The following SAMSN1 variants were observed in gnomAD, a reference collection of about 807,000 sequenced individuals.
SAMSN1 encodes SAM domain-containing protein SAMSN-1.
A neutral mutation model predicts 42.0 loss-of-function variants in SAMSN1; 31 were observed. That is an observed-to-expected ratio of 0.74 (90% CI 0.55 to 1.00). The LOEUF (loss-of-function observed/expected upper bound fraction) is 1.00, where lower values mean the gene tolerates loss of function less well. Ranked by LOEUF, SAMSN1 falls within the 50% of genes least tolerant of loss-of-function variation. SAMSN1 has a pLI of 0.00. For missense variants in SAMSN1, 464 were observed against 439.4 expected (o/e 1.06, Z -0.50); for synonymous variants, 178 against 151.9 (o/e 1.17, Z -1.26).
intron 5 of SAMSN1, among the ~76,000 whole-genome samples, chr21:14,501,001 C>T (rs917055637): frequency 3.3e-5 from 5 of 152,040 alleles, no homozygotes; most frequent in African/African-American, 1.2e-4. Flanking sequence ...AAGTGAGATC[C>T]CATCTCTACA....
intron 7 of SAMSN1, among the ~76,000 whole-genome samples, chr21:14,588,837 AACT>A (rs975337381): frequency 2.0e-5 from 3 of 151,668 alleles, no homozygotes; most frequent in Non-Finnish European, 4.4e-5. Flanking sequence ...CTTTCATTGA[AACT>A]ACTGTCAAGT....
chr21:14,596,485 C>T (rs1982266464), intron 6 of SAMSN1, among the ~76,000 whole-genome samples: 4 of 152,108 alleles, frequency 2.6e-5, no homozygotes, highest in African/African-American at 7.2e-5. Context: ...CCTAAGACTG[C>T]CCCTCACCCT....
chr21:14,632,529 G>A (rs1338521076), intron 2 of SAMSN1, among the ~76,000 whole-genome samples: 1 of 151,752 alleles, frequency 6.6e-6, no homozygotes, highest in African/African-American at 2.4e-5. Flanking sequence ...ATAATTATTT[G>A]TATAATTGTA....
chr21:14,631,493 G>A (rs370157130), intron 2 of SAMSN1, among the ~76,000 whole-genome samples: 55 of 152,000 alleles, frequency 3.6e-4, no homozygotes, highest in African/African-American at 1.2e-3. Context: ...TCAGCCTTCC[G>A]AGTAGCTGGG....
intron 5 of SAMSN1, among the ~76,000 whole-genome samples, chr21:14,505,502 A>G (rs1987357674): frequency 2.0e-5 from 3 of 152,244 alleles, no homozygotes; most frequent in African/African-American, 7.2e-5. Flanking sequence ...AAAGACAAAT[A>G]GGGACATTAT....
intron 7 of SAMSN1, among the ~76,000 whole-genome samples, chr21:14,497,673 T>G (rs1368288727): frequency 1.3e-5 from 2 of 152,228 alleles, no homozygotes; most frequent in Admixed American, 6.5e-5. Flanking sequence ...ATTATCTAAG[T>G]TCCTTTTTAT....
upstream of SAMSN1, chr21:14,583,637 A>C (rs1409554097): frequency 2.8e-6 from 2 of 716,790 alleles, no homozygotes; most frequent in Admixed American, 4.0e-5. Context: ...CAGCTTATTG[A>C]GTTCTTACTT....
chr21:14,576,525 C>T (rs2822776), intron 2 of SAMSN1, among the ~76,000 whole-genome samples: 97,766 of 152,010 alleles, frequency 0.64, 33,954 homozygotes, highest in African/African-American at 0.91. Flanking sequence ...CTTTCCCATG[C>T]CAATAATTAG....
intron 1 of SAMSN1, among the ~76,000 whole-genome samples, chr21:14,653,113 T>A (rs1401383657): frequency 1.3e-5 from 2 of 152,070 alleles, no homozygotes; most frequent in African/African-American, 4.8e-5. Flanking sequence ...ACAACCACTA[T>A]GGAGAACAGT....
intron 5 of SAMSN1, among the ~76,000 whole-genome samples, chr21:14,501,916 A>G (rs894146611): frequency 2.6e-5 from 4 of 152,200 alleles, no homozygotes; most frequent in Non-Finnish European, 5.9e-5. Flanking sequence ...GTTATTGGCA[A>G]GGGTAGAAAA....
At chr21:14,593,862 C>T (rs1982167296) in intron 7 of SAMSN1, 1 of 497,964 alleles carries the variant, frequency 2.0e-6, no homozygotes, top group South Asian at 3.7e-5. Flanking sequence ...AAGGACAAGC[C>T]TCTATTTATG....
intron 1 of SAMSN1, among the ~76,000 whole-genome samples, chr21:14,528,551 G>A (rs1456738612): frequency 6.6e-6 from 1 of 152,112 alleles, no homozygotes; most frequent in African/African-American, 2.4e-5. Flanking sequence ...CAGCCCCATT[G>A]GAAAATGGTA....
In SAMSN1 at chr21:14,546,253, C is replaced by A; in HGVS notation, c.9G>T (p.Lys3Asn). ...TCTCTGAAACATTGGATGGCTTTCT[C>A]TTGAGCATTTTGAATTCTGACTACT... MLKRKPSNVSEKE... is the reference protein window; with the variant it reads MLNRKPSNVSEKE... The change falls in exon 1 of 8, where the codon AAG becomes AAT. Residue 3 changes from lysine (K) to asparagine (N), a missense_variant. Physicochemically the swap from Lys to Asn is moderately conservative, Grantham distance 94. Coordinates refer to ENST00000400566, the MANE Select transcript of SAMSN1 (RefSeq NM_022136.5). 1 of 1,613,546 alleles carries A rather than the reference C, an allele frequency of 6.2e-7. No individual in the cohort carries two copies. The highest frequency in any genetic ancestry group is 1.1e-5 in the South Asian group (1 of 91,056).
intron 1 of SAMSN1, among the ~76,000 whole-genome samples, chr21:14,530,583 A>T (rs1009278968): frequency 6.6e-6 from 1 of 152,164 alleles, no homozygotes; most frequent in Non-Finnish European, 1.5e-5. Flanking sequence ...GGGATTTTTC[A>T]TTGTCTGGAT....
intron 7 of SAMSN1, among the ~76,000 whole-genome samples, chr21:14,490,248 T>C (rs964731764): frequency 1.3e-5 from 2 of 152,140 alleles, no homozygotes; most frequent in African/African-American, 4.8e-5. Context: ...CAATGATATT[T>C]AGATGAATTA....
intron 1 of SAMSN1, among the ~76,000 whole-genome samples, chr21:14,537,560 A>G (rs1015518088): frequency 1.3e-5 from 2 of 152,236 alleles, no homozygotes; most frequent in Non-Finnish European, 2.9e-5. Context: ...GAATGAACGA[A>G]TGCATGGATT....
intron 1 of SAMSN1, among the ~76,000 whole-genome samples, chr21:14,539,048 C>A (rs1044691554): frequency 2.0e-5 from 3 of 152,140 alleles, no homozygotes; most frequent in African/African-American, 7.2e-5. Context: ...CCATGTCTTT[C>A]TATTTTCAAA....
chr21:14,498,412 C>A, intron 7 of SAMSN1, 30 bp downstream of exon 7: 1 of 1,570,250 alleles, frequency 6.4e-7, no homozygotes, highest in Non-Finnish European at 8.6e-7. Context: ...TGATTATCAG[C>A]TGGGGAGAAG....
upstream of SAMSN1, chr21:14,658,842 T>G: frequency 1.4e-6 from 1 of 712,646 alleles, no homozygotes; most frequent in Non-Finnish European, 2.6e-6. Flanking sequence ...CTCTCTTGCC[T>G]TCACAGCTGT....
Sources: allele counts gnomAD v4.1 joint callset (sites outside exome capture counted in the v4.1 genomes callset), GRCh38; gene constraint gnomAD v4.1.1; transcripts MANE v1.5; gene names NCBI Gene and HGNC (gene_info 2026-07-23, HGNC 2026-07-21).